The following PRELID2 variants were observed in gnomAD, a reference collection of about 807,000 sequenced individuals.
PRELID2 encodes the protein PRELI domain-containing protein 2.
In PRELID2, 25 loss-of-function variants were observed where a neutral mutation model predicts 28.4. The observed-to-expected ratio is 0.88, with a 90% CI of 0.64 to 1.23. The LOEUF is 1.23. PRELID2 is among the 50% of genes most tolerant of loss of function. PRELID2 has a pLI of 0.00. For synonymous variants in PRELID2, 76 were observed against 71.6 expected (o/e 1.06, Z -0.31); for missense variants, 201 against 214.4 (o/e 0.94, Z 0.39).
the PRELID2 span, among the ~76,000 whole-genome samples, chr5:145,342,902 TA>T: frequency 0.37 from 47,205 of 128,862 alleles, 8,317 homozygotes; most frequent in East Asian, 0.7. Context: ...TCAAAAACAG[TA>T]AAAAAAAAAA....
At chr5:145,693,781 CTTAAA>C (rs1755199381) in intron 1 of PRELID2, among the ~76,000 whole-genome samples, 1 of 152,100 alleles carries the variant, frequency 6.6e-6, no homozygotes, top group South Asian at 2.1e-4. Context: ...CTCCAAAAAA[CTTAAA>C]TTAAAATTAT....
At chr5:145,355,966 C>A in the PRELID2 span, among the ~76,000 whole-genome samples, 1 of 152,038 alleles carries the variant, frequency 6.6e-6, no homozygotes, top group Admixed American at 6.6e-5. Flanking sequence ...ATGAAGAGAG[C>A]TGATACAATC....
At chr5:145,695,736 C>G (rs920715728) in intron 1 of PRELID2, among the ~76,000 whole-genome samples, 3 of 152,168 alleles carry the variant, frequency 2.0e-5, no homozygotes, top group African/African-American at 2.4e-5. Context: ...TCCACAGGAC[C>G]CTCACAACAT....
the PRELID2 span, among the ~76,000 whole-genome samples, chr5:145,333,304 G>T: frequency 8.5e-5 from 13 of 152,300 alleles, no homozygotes; most frequent in African/African-American, 3.1e-4. Context: ...CGCTATGCTG[G>T]GAGATCCACT....
the PRELID2 span, among the ~76,000 whole-genome samples, chr5:145,322,848 AGCTGG>A: frequency 6.6e-6 from 1 of 152,096 alleles, no homozygotes; most frequent in East Asian, 1.9e-4. Flanking sequence ...GAAAGTAGAA[AGCTGG>A]GCCTGTAGTC....
At chr5:145,509,801 A>G (rs187471968) in intron 1 of PRELID2, among the ~76,000 whole-genome samples, 1 of 152,202 alleles carries the variant, frequency 6.6e-6, no homozygotes, top group Non-Finnish European at 1.5e-5. Context: ...CACATCAAGC[A>G]TCTTGCCCAA....
At chr5:145,704,367 T>A (rs1350064338) in intron 1 of PRELID2, 3 of 152,062 alleles carry the variant, frequency 2.0e-5, no homozygotes, top group Non-Finnish European at 4.4e-5. Flanking sequence ...AGATGAGAAA[T>A]GAGCAAAACA....
At chr5:145,748,782 G>T (rs1416449869) in intron 1 of PRELID2, among the ~76,000 whole-genome samples, 1 of 152,044 alleles carries the variant, frequency 6.6e-6, no homozygotes, top group Non-Finnish European at 1.5e-5. Flanking sequence ...CAGATATACA[G>T]ACAAATGGAA....
At chr5:145,767,326 TC>T (rs1757827378) in intron 5 of PRELID2, among the ~76,000 whole-genome samples, 2 of 151,906 alleles carry the variant, frequency 1.3e-5, no homozygotes, top group African/African-American at 2.4e-5. Flanking sequence ...TTCTACTCCA[TC>T]CCCTTTCCAG....
intron 1 of PRELID2, among the ~76,000 whole-genome samples, chr5:145,611,717 A>C (rs1317184676): frequency 6.6e-6 from 1 of 152,222 alleles, no homozygotes; most frequent in Non-Finnish European, 1.5e-5. Context: ...AAGTTGATCT[A>C]TAATTTCAAA....
At chr5:145,268,013 A>C in the PRELID2 span, among the ~76,000 whole-genome samples, 1 of 151,940 alleles carries the variant, frequency 6.6e-6, no homozygotes, top group Non-Finnish European at 1.5e-5. Context: ...ATTTTTATAG[A>C]TAATTCTTAT....
At chr5:145,413,142 T>C in the PRELID2 span, among the ~76,000 whole-genome samples, 1 of 151,698 alleles carries the variant, frequency 6.6e-6, no homozygotes, top group Non-Finnish European at 1.5e-5. Context: ...AAATCAGAGA[T>C]AAAAAATAAT....
the PRELID2 span, among the ~76,000 whole-genome samples, chr5:145,257,211 CTATT>C: frequency 6.6e-6 from 1 of 150,440 alleles, no homozygotes; most frequent in Admixed American, 6.6e-5. Flanking sequence ...TAAAATTTAA[CTATT>C]TAACAAAAAG....
At chr5:145,560,791 G>A (rs1227547604) in intron 1 of PRELID2, among the ~76,000 whole-genome samples, 2 of 152,216 alleles carry the variant, frequency 1.3e-5, no homozygotes, top group African/African-American at 4.8e-5. Context: ...TCTAAAGGCT[G>A]TACCAAAATG....
At chr5:145,544,419 C>G (rs923417449) in intron 1 of PRELID2, among the ~76,000 whole-genome samples, 1 of 152,030 alleles carries the variant, frequency 6.6e-6, no homozygotes, top group Non-Finnish European at 1.5e-5. Context: ...ATGTGCTGGT[C>G]AAAAGACATA....
At chr5:145,343,306 C>T in the PRELID2 span, among the ~76,000 whole-genome samples, 3 of 151,550 alleles carry the variant, frequency 2.0e-5, no homozygotes, top group African/African-American at 4.8e-5. Flanking sequence ...TTTTAAAAAC[C>T]AATATTATAT....
chr5:145,640,379 G>A (rs1345373844), intron 1 of PRELID2, among the ~76,000 whole-genome samples: 1 of 151,758 alleles, frequency 6.6e-6, no homozygotes, highest in East Asian at 1.9e-4. Flanking sequence ...GGGAGGCTGA[G>A]GCAGGAGAAT....
chr5:145,361,835 C>A, the PRELID2 span, among the ~76,000 whole-genome samples: 21 of 152,092 alleles, frequency 1.4e-4, no homozygotes, highest in African/African-American at 4.8e-4. Flanking sequence ...GTCCTCCTAC[C>A]TGGGAGGCAA....
chr5:145,741,837 A>T (rs1581126652), intron 1 of PRELID2, among the ~76,000 whole-genome samples: 1 of 4,442 alleles, frequency 2.3e-4, no homozygotes, highest in Admixed American at 3.6e-3. Flanking sequence ...TTTATATAAT[A>T]AATATATAAA....
Sources: allele counts gnomAD v4.1 joint callset (sites outside exome capture counted in the v4.1 genomes callset), GRCh38; gene constraint gnomAD v4.1.1; transcripts MANE v1.5; gene names NCBI Gene and HGNC (gene_info 2026-07-23, HGNC 2026-07-21).